The following RNF213 variants were observed in gnomAD, a reference collection of about 807,000 sequenced individuals.
RNF213 encodes ring finger protein 213, also known as E3 ubiquitin-protein ligase RNF213.
RNF213 carries 341 observed loss-of-function variants against 514.4 expected under a neutral mutation model. The ratio of observed to expected loss-of-function variants is 0.66; its 90% CI spans 0.61 to 0.73. The LOEUF is 0.73. Ranked by LOEUF, RNF213 falls within the 30% of genes least tolerant of loss-of-function variation. RNF213 has a pLI of 0.00. For synonymous variants in RNF213, 2,655 were observed against 2,658.2 expected (o/e 1.00, Z 0.04); for missense variants, 5,767 against 6,615.6 (o/e 0.87, Z 4.45).
At chr17:80,374,381 G>C in intron 49 of RNF213, 77 bp from the exon 50 acceptor site, 1 of 1,591,520 alleles carries the variant, frequency 6.3e-7, no homozygotes, top group Non-Finnish European at 8.6e-7. Flanking sequence ...CAACCACCTG[G>C]TTCCTGTACC....
chr17:80,346,811 G>A lies in RNF213; in HGVS notation c.8476G>A (p.Ala2826Thr), dbSNP rs748247392. The change falls in exon 29 of 68, where the codon GCC becomes ACC. Residue 2826 changes from alanine to threonine, a missense_variant. By Grantham distance (58) the Ala-to-Thr change is moderately conservative. Transcript: ENST00000582970. The surrounding 1 kb of genome is among the most constrained non-coding windows in gnomAD (Gnocchi z 8.1). ...CATCATCAGCACCTTCCGGCAGTGC[G>A]CCCGCTTTCAGCAGGGGAAGGACCT... ...QGIISTFRQC[A>T]RFQQGKDLQQ... 1.1e-5 allele frequency: 17 copies of A among 1,614,036 alleles called. No homozygotes were observed. The highest frequency in any genetic ancestry group is 1.4e-5 in the Non-Finnish European group (17 of 1,180,012).
In RNF213 at chr17:80,383,910, C is replaced by A; in HGVS notation, c.14304C>A (p.Leu4768=). The stretch of plus-strand genomic sequence containing the variant: ...ATGGCAAAGAAAGAGTGCCCATCCT[C>A]TGGCATTTCCTGCAGAAGGTATGTC... The part of the protein sequence containing the change: ...QKNGKERVPI[L]WHFLQKEAEL... Residue 4768 remains leucine (L), a synonymous_variant, in exon 59 of 68, where the codon CTC becomes CTA. Coordinates refer to ENST00000582970, the MANE Select transcript of RNF213 (RefSeq NM_001256071.3). The A allele has an allele frequency of 6.2e-7, 1 of 1,614,186 alleles. No individual in the cohort carries two copies. Among genetic ancestry groups the A allele is most frequent in the East Asian group, 2.2e-5 (1 of 44,886 alleles).
intron 40 of RNF213, 91 bp from the exon 41 acceptor site, chr17:80,363,518 A>T: frequency 1.4e-6 from 2 of 1,454,192 alleles, no homozygotes; most frequent in Non-Finnish European, 1.9e-6. Flanking sequence ...CAAGCCTGGG[A>T]CACAAGTATA....
rs1316981577 is a variant in RNF213, at chr17:80,353,886, T to C, written c.10579-133T>C. 7.7e-7 allele frequency: 1 copy of C among 1,298,378 alleles called. No individual in the cohort carries two copies. Among genetic ancestry groups the C allele is most frequent in the Non-Finnish European group, 1.1e-6 (1 of 918,610 alleles). The allele number at this position is 1,298,378 out of a possible 1,614,324, so 80.4% of individuals were successfully genotyped here. On this transcript the variant is annotated intron_variant, in intron 34 of 67. Coordinates refer to ENST00000582970, the MANE Select transcript of RNF213 (RefSeq NM_001256071.3). The surrounding 1 kb of genome is among the most constrained non-coding windows in gnomAD (Gnocchi z 5.0). ...GGGGGGTGCAGGGCGGAGGTCGGCG[T>C]CTCTTCTTTGTCCGTGAGGACCGCC... is the stretch of plus-strand genomic sequence containing the variant.
At position 80,369,681 on chromosome 17, in the gene RNF213, T is replaced by C. The variant is rs2079437971; in HGVS notation, c.12325+10T>C. ...AGAGATGCTGCCCAGAGTAGGTTGC[T>C]TTCTTCCTGTAAACCTAGCCCCTCA... is the stretch of plus-strand genomic sequence containing the variant. On this transcript the variant is annotated intron_variant, in intron 45 of 67. Transcript: ENST00000582970. 1.2e-6 allele frequency: 2 copies of C among 1,614,080 alleles called. No individual in the cohort carries two copies. Among genetic ancestry groups the C allele is most frequent in the Admixed American group, 1.7e-5 (1 of 60,014 alleles).
chr17:80,339,625 C>A lies in RNF213; in HGVS notation c.5258C>A (p.Ala1753Asp). ...TCTGTGGGGTGTGGGAGTGAGGCCG[C>A]CAGGTACCGCATGAGGAGAGTCATG... ...RASVGCGSEA[A>D]RYRMRRVMEE... Residue 1753 changes from alanine to aspartate, a missense_variant, in exon 26 of 68, where the codon GCC (alanine) becomes GAC (aspartate). By Grantham distance (126) the Ala-to-Asp change is moderately radical. Around this residue, in one of 13 missense-constraint regions of RNF213, gnomAD observed 1,377 missense variants for 1,635.2 expected, o/e 0.84. Transcript: ENST00000582970. 6.5e-7 allele frequency: 1 copy of A among 1,537,182 alleles called. No homozygotes were observed. The highest frequency in any genetic ancestry group is 8.7e-7 in the Non-Finnish European group (1 of 1,146,896).
chr17:80,310,472 C>T (rs2045531293), intron 14 of RNF213, among the ~76,000 whole-genome samples: 1 of 151,946 alleles, frequency 6.6e-6, no homozygotes, highest in South Asian at 2.1e-4. Context: ...AAGCTGGTCT[C>T]AAACGCCTGA....
intron 59 of RNF213, among the ~76,000 whole-genome samples, chr17:80,384,151 T>C (rs993188395): frequency 3.3e-5 from 5 of 152,130 alleles, no homozygotes; most frequent in South Asian, 2.1e-4. Context: ...CACACCCACG[T>C]TGGGATTAGC....
intron 44 of RNF213, among the ~76,000 whole-genome samples, chr17:80,369,281 C>G (rs2079410824): frequency 1.3e-5 from 2 of 152,010 alleles, no homozygotes; most frequent in African/African-American, 4.8e-5. Context: ...GCCTGTAATC[C>G]CAGCTACTTG....
At chr17:80,364,212 G>C (rs1422798602) in intron 41 of RNF213, among the ~76,000 whole-genome samples, 1 of 152,208 alleles carries the variant, frequency 6.6e-6, no homozygotes, top group Non-Finnish European at 1.5e-5. Flanking sequence ...ACCCCATGCA[G>C]AGGCATCACA....
chr17:80,359,616 GAAAGT>G (rs1312860273), intron 37 of RNF213, among the ~76,000 whole-genome samples: 1 of 149,018 alleles, frequency 6.7e-6, no homozygotes, highest in African/African-American at 2.5e-5. Context: ...AAGAGAGAAA[GAAAGT>G]AAAGAAAGAA....
intron 11 of RNF213, chr17:80,298,810 CCA>C: frequency 2.2e-5 from 5 of 223,722 alleles, no homozygotes; most frequent in South Asian, 5.8e-5. Context: ...ACGAAAAATA[CCA>C]AAAAAAAAAA....
intron 44 of RNF213, among the ~76,000 whole-genome samples, 157 bp from the exon 45 acceptor site, chr17:80,369,345 C>T (rs534410425): frequency 7.4e-5 from 11 of 149,032 alleles, no homozygotes; most frequent in Non-Finnish European, 1.0e-4. Flanking sequence ...TTGCAGTGAG[C>T]GGAGATCGCG....
intron 3 of RNF213, among the ~76,000 whole-genome samples, chr17:80,287,013 G>A (rs1272176862): frequency 1.3e-5 from 2 of 152,126 alleles, no homozygotes; most frequent in East Asian, 1.9e-4. Flanking sequence ...TTTTATGTAC[G>A]AAATATTTTT....
At position 80,394,441 on chromosome 17, in the gene RNF213, T is replaced by C. The variant is rs2080601017; in HGVS notation, c.*943T>C. On this transcript the variant is annotated 3_prime_UTR_variant, in exon 68 of 68. Coordinates refer to ENST00000582970, the MANE Select transcript of RNF213 (RefSeq NM_001256071.3). ...GGACTCAGAGCACATACAAAACCAG[T>C]TATGTTTCGGAAAGAGGGAAAAGAG... 1 of 152,160 alleles carries C rather than the reference T, an allele frequency of 6.6e-6. No individual in the cohort carries two copies. Among genetic ancestry groups the C allele is most frequent in the African/African-American group, 2.4e-5 (1 of 41,416 alleles). The allele number at this position is 152,160 out of a possible 1,614,324, so 9.4% of individuals were successfully genotyped here.
Position 80,386,876 on chromosome 17 carries a change from C to T in RNF213, c.14907C>T (p.Pro4969=). 1 of 1,612,892 alleles carries T rather than the reference C, an allele frequency of 6.2e-7. No individual in the cohort carries two copies. Among genetic ancestry groups the T allele is most frequent in the Non-Finnish European group, 8.5e-7 (1 of 1,179,732 alleles). ...QIVSRFLQGK[P]RLSLKGIPTL... ...TCAGCCGCTTCCTCCAGGGCAAGCCCCGGCTGAGCCTCAAGGTAGGGCTGA... is the reference window on the plus strand; with the variant it reads ...TCAGCCGCTTCCTCCAGGGCAAGCCTCGGCTGAGCCTCAAGGTAGGGCTGA... Residue 4969 remains proline (P), a synonymous_variant, in exon 63 of 68, where the codon CCC becomes CCT. Transcript: ENST00000582970.
At position 80,346,750 on chromosome 17, in the gene RNF213, G is replaced by A; in HGVS notation, c.8415G>A (p.Val2805=). ...GCAGCCTGAAGCAGGTCCACCTGGT[G>A]TCCTTCCAGTGCAGCCCGCACTCCA... ...LFRSLKQVHL[V]SFQCSPHSTP... Residue 2805 remains valine (V), a synonymous_variant, in exon 29 of 68, where the codon GTG becomes GTA. Transcript: ENST00000582970. The surrounding 1 kb of genome is among the most constrained non-coding windows in gnomAD (Gnocchi z 8.1). The A allele has an allele frequency of 1.9e-6, 3 of 1,613,144 alleles. No homozygotes were observed. Among genetic ancestry groups the A allele is most frequent in the Non-Finnish European group, 2.5e-6 (3 of 1,179,920 alleles).
At chr17:80,355,540 TG>T (rs2078743162) in intron 36 of RNF213, among the ~76,000 whole-genome samples, 2 of 43,576 alleles carry the variant, frequency 4.6e-5, no homozygotes, top group East Asian at 7.0e-4. Flanking sequence ...AGAAGCGGGG[TG>T]GACGGGAATG....
At chr17:80,364,041 G>A (rs570010915) in intron 41 of RNF213, among the ~76,000 whole-genome samples, 39 of 152,300 alleles carry the variant, frequency 2.6e-4, no homozygotes, top group African/African-American at 3.4e-4. Flanking sequence ...AAAGGCAGAC[G>A]GGCTATTGTG....
Sources: allele counts gnomAD v4.1 joint callset (sites outside exome capture counted in the v4.1 genomes callset), GRCh38; gene constraint gnomAD v4.1.1; regional missense constraint gnomAD v4.1.1; non-coding constraint Gnocchi (gnomAD v3.1); transcripts MANE v1.5; gene names NCBI Gene and HGNC (gene_info 2026-07-23, HGNC 2026-07-21).